CEP112: variants seen among roughly 807,000 people sequenced by gnomAD.
The protein encoded by CEP112 is centrosomal protein of 112 kDa.
A neutral mutation model predicts 153.0 loss-of-function variants in CEP112; 127 were observed. The ratio of observed to expected loss-of-function variants is 0.83; its 90% CI spans 0.72 to 0.96. The LOEUF (loss-of-function observed/expected upper bound fraction) is 0.96, where lower values mean the gene tolerates loss of function less well. CEP112 is among the 40% of genes least tolerant of loss of function. The probability of loss-of-function intolerance (pLI) is 0.00; values close to 1 mark genes in which losing one functional copy is unlikely to be tolerated. For missense variants in CEP112, 1,089 were observed against 1,101.2 expected (o/e 0.99, Z 0.16); for synonymous variants, 358 against 374.4 (o/e 0.96, Z 0.51).
chr17:65,955,095 T>A (rs1049978593), intron 18 of CEP112, among the ~76,000 whole-genome samples: 9 of 152,218 alleles, frequency 5.9e-5, no homozygotes, highest in African/African-American at 1.9e-4. Context: ...AAGGAAAGAA[T>A]CTTAAGGGCT....
At chr17:65,897,773 A>C (rs1007862352) in intron 20 of CEP112, among the ~76,000 whole-genome samples, 7 of 152,126 alleles carry the variant, frequency 4.6e-5, no homozygotes, top group African/African-American at 1.4e-4. Context: ...ATTTTATGAA[A>C]GTACTAAAGA....
intron 11 of CEP112, among the ~76,000 whole-genome samples, chr17:66,054,355 T>C (rs2066585942): frequency 6.6e-6 from 1 of 152,198 alleles, no homozygotes; most frequent in South Asian, 2.1e-4. Context: ...AAATTACTTC[T>C]AGTCATTCCC....
At chr17:65,696,102 A>T (rs1000023964) in intron 23 of CEP112, among the ~76,000 whole-genome samples, 1 of 152,210 alleles carries the variant, frequency 6.6e-6, no homozygotes, top group African/African-American at 2.4e-5. Flanking sequence ...GCAGAGACAC[A>T]TTCTCTTACA....
intron 21 of CEP112, among the ~76,000 whole-genome samples, chr17:65,814,978 T>G (rs2056185951): frequency 6.6e-6 from 1 of 152,170 alleles, no homozygotes; most frequent in Non-Finnish European, 1.5e-5. Context: ...AAGACTAGTT[T>G]GTCTTTTTAT....
At chr17:66,054,406 T>C (rs888787332) in intron 11 of CEP112, among the ~76,000 whole-genome samples, 3 of 152,150 alleles carry the variant, frequency 2.0e-5, no homozygotes, top group Non-Finnish European at 4.4e-5. Context: ...CATTTATCAG[T>C]CAAACAATAT....
intron 23 of CEP112, among the ~76,000 whole-genome samples, chr17:65,741,441 G>C (rs940453926): frequency 2.6e-5 from 4 of 150,978 alleles, no homozygotes; most frequent in African/African-American, 9.7e-5. Flanking sequence ...TATTTTTCAG[G>C]TAACATATGG....
chr17:65,671,272 G>A (rs1459791702), intron 24 of CEP112, among the ~76,000 whole-genome samples: 2 of 152,164 alleles, frequency 1.3e-5, no homozygotes, highest in Non-Finnish European at 2.9e-5. Flanking sequence ...AAGAGCTCCC[G>A]AAGGGGAAAT....
intron 16 of CEP112, among the ~76,000 whole-genome samples, chr17:66,012,553 G>GC (rs2064579398): frequency 6.6e-6 from 1 of 152,098 alleles, no homozygotes; most frequent in Admixed American, 6.5e-5. Flanking sequence ...CTGAATATAG[G>GC]CCCCCAATGT....
chr17:66,168,816 C>T (rs894860942), intron 4 of CEP112, among the ~76,000 whole-genome samples: 2 of 152,032 alleles, frequency 1.3e-5, no homozygotes, highest in South Asian at 2.1e-4. Context: ...ACCCCAACAT[C>T]GGTATTTCAC....
intron 18 of CEP112, among the ~76,000 whole-genome samples, chr17:65,958,133 T>C (rs2062061792): frequency 6.6e-6 from 1 of 152,236 alleles, no homozygotes; most frequent in Admixed American, 6.5e-5. Flanking sequence ...TCTCTACTCA[T>C]CCTTTCATAT....
intron 21 of CEP112, among the ~76,000 whole-genome samples, chr17:65,771,667 T>G (rs957985703): frequency 5.3e-5 from 8 of 152,124 alleles, no homozygotes; most frequent in African/African-American, 9.7e-5. Flanking sequence ...ATAACAGAAA[T>G]TTATCTTAAT....
At chr17:65,883,263 C>CGTATAT (rs1555694794) in intron 20 of CEP112, among the ~76,000 whole-genome samples, 3 of 146,822 alleles carry the variant, frequency 2.0e-5, no homozygotes, top group African/African-American at 7.5e-5. Flanking sequence ...AAGAAGTTTA[C>CGTATAT]ATATATATAT....
chr17:65,731,040 G>A (rs963931657), intron 23 of CEP112, among the ~76,000 whole-genome samples: 1 of 152,138 alleles, frequency 6.6e-6, no homozygotes, highest in African/African-American at 2.4e-5. Flanking sequence ...GATGCCAGAA[G>A]AATGTTCCAC....
chr17:65,811,954 A>AT (rs1422178541), intron 21 of CEP112, among the ~76,000 whole-genome samples: 1 of 151,926 alleles, frequency 6.6e-6, no homozygotes, highest in Non-Finnish European at 1.5e-5. Context: ...TTAATACATA[A>AT]TTTTCTGTCA....
At chr17:65,988,425 A>C (rs1290772295) in intron 17 of CEP112, among the ~76,000 whole-genome samples, 1 of 152,226 alleles carries the variant, frequency 6.6e-6, no homozygotes, top group East Asian at 1.9e-4. Flanking sequence ...AAAGAGACAG[A>C]GCAAGGAACC....
chr17:65,686,959 A>G (rs1041811914), intron 24 of CEP112, among the ~76,000 whole-genome samples: 3 of 151,940 alleles, frequency 2.0e-5, no homozygotes, highest in African/African-American at 4.8e-5. Context: ...ATACTCTTCT[A>G]CTACTGTGTG....
intron 17 of CEP112, among the ~76,000 whole-genome samples, chr17:65,974,002 C>A (rs1036076540): frequency 6.6e-6 from 1 of 152,104 alleles, no homozygotes; most frequent in South Asian, 2.1e-4. Flanking sequence ...CATTATTTCT[C>A]ACCTACCAGA....
intron 26 of CEP112, 177 bp downstream of exon 26, chr17:65,636,947 C>A (rs1326919021): frequency 1.3e-5 from 8 of 602,710 alleles, no homozygotes. Flanking sequence ...ACAGACTAAG[C>A]ACTGGGATGA....
At chr17:65,821,536 ATATATTTTTTTTTTTTT>A (rs1210572814) in intron 21 of CEP112, among the ~76,000 whole-genome samples, 467 of 35,982 alleles carry the variant, frequency 0.013, 2 homozygotes, top group Non-Finnish European at 0.015. Context: ...ATATATATAT[ATATATTTTTTTTTTTTT>A]TTTTTTTTTT....
Sources: gnomAD v4.1 joint callset for allele counts (sites outside exome capture counted in the v4.1 genomes callset) on GRCh38, gnomAD v4.1.1 for gene constraint, MANE v1.5 for transcripts, NCBI Gene and HGNC (gene_info 2026-07-23, HGNC 2026-07-21) for gene names.